NTNG1: variants seen among roughly 807,000 people sequenced by gnomAD.
NTNG1 encodes netrin G1.
Under a neutral mutation model 54.0 loss-of-function variants are expected in NTNG1, and 16 were observed. That is an observed-to-expected ratio of 0.30 (90% CI 0.20 to 0.45). The LOEUF (loss-of-function observed/expected upper bound fraction) is 0.45. Among genes scored for constraint, NTNG1 ranks in the 20% least tolerant of loss-of-function variants. The pLI, the probability that NTNG1 is intolerant of heterozygous loss-of-function variation, is 1.00. For synonymous variants in NTNG1, 255 were observed against 263.1 expected, an observed-to-expected ratio of 0.97 and a Z score of 0.30; for missense variants, 530 against 678.7, an observed-to-expected ratio of 0.78 and a Z score of 2.43.
At chr1:107,256,357 A>C (rs1482077830) in intron 2 of NTNG1, among the ~76,000 whole-genome samples, 2 of 152,222 alleles carry the variant, frequency 1.3e-5, no homozygotes, top group East Asian at 3.9e-4. Context: ...TCATTCATTC[A>C]GTCAGTCCAT....
rs946673203 is a variant in NTNG1 at position 107,219,599 on chromosome 1, A to T, written c.246+70760A>T. On this transcript the variant is annotated intron_variant, in intron 2 of 7. Coordinates refer to ENST00000370068, the MANE Select transcript of NTNG1 (RefSeq NM_001113226.3). ...TGTTGAGATTCTTCTGTCTCATGGG[A>T]TGCTCTGTTAATGTGGTGCTCTCCC... is the stretch of plus-strand genomic sequence containing the variant. Among the ~76,000 whole-genome samples, 13 of 152,106 alleles carry T rather than the reference A, an allele frequency of 8.5e-5. No individual in the cohort carries two copies. The East Asian group carries it at 2.3e-3, about 27-fold the overall frequency.
chr1:107,162,933 G>C (rs538443630), intron 2 of NTNG1, among the ~76,000 whole-genome samples: 1 of 152,226 alleles, frequency 6.6e-6, no homozygotes, highest in East Asian at 1.9e-4. Context: ...AAACCTGAGG[G>C]TGATGTGTAA....
intron 7 of NTNG1, among the ~76,000 whole-genome samples, chr1:107,473,597 GA>G (rs538888592): frequency 5.8e-4 from 88 of 152,278 alleles, no homozygotes; most frequent in Non-Finnish European, 1.1e-3. Flanking sequence ...CCAAAAAAAT[GA>G]AAGAATTAAA....
chr1:107,423,599 T>C lies in NTNG1; in HGVS notation c.1088-7151T>C, dbSNP rs116194151. On this transcript the variant is annotated intron_variant, in intron 5 of 7. Transcript: ENST00000370068. ...GTTGCCATGCCACATTGTGTATACA[T>C]ACAGCTAAAGACCCCCTTTAGCTTT... is the stretch of plus-strand genomic sequence containing the variant. 8.9e-3 allele frequency among the ~76,000 whole-genome samples: 1,350 copies of C among 152,236 alleles called. 21 individuals carry two copies. The highest frequency in any genetic ancestry group is 0.031 in the African/African-American group (1,294 of 41,546).
intron 2 of NTNG1, among the ~76,000 whole-genome samples, chr1:107,239,369 T>C (rs1312517033): frequency 6.6e-6 from 1 of 152,216 alleles, no homozygotes; most frequent in African/African-American, 2.4e-5. Context: ...TGGAAATGAA[T>C]GGGTGGGACA....
intron 2 of NTNG1, among the ~76,000 whole-genome samples, chr1:107,180,255 A>T (rs1656969632): frequency 1.3e-5 from 2 of 152,140 alleles, no homozygotes; most frequent in Admixed American, 6.6e-5. Context: ...CAATCCTTTT[A>T]CTTAGTAAGC....
chr1:107,211,394 T>G (rs1339884247), intron 2 of NTNG1, among the ~76,000 whole-genome samples: 1 of 152,170 alleles, frequency 6.6e-6, no homozygotes, highest in Non-Finnish European at 1.5e-5. Context: ...CATATTTCAG[T>G]CATAATATTT....
rs570652094 is a variant in NTNG1 at position 107,168,728 on chromosome 1, C to G, written c.246+19889C>G. Among the ~76,000 whole-genome samples the G allele has an allele frequency of 4.5e-3, 691 of 152,252 alleles. 2 individuals carry two copies. Among genetic ancestry groups the G allele is most frequent in the Non-Finnish European group, 8.4e-3 (574 of 67,978 alleles). On this transcript the variant is annotated intron_variant, in intron 2 of 7. Coordinates refer to ENST00000370068, the MANE Select transcript of NTNG1 (RefSeq NM_001113226.3). The stretch of plus-strand genomic sequence containing the variant: ...TTGGCTCAATCCTCCAAACTCAGGA[C>G]AGGCCCATTAGTCTCTTAACCATAA...
chr1:107,322,053 A>G lies in NTNG1; in HGVS notation c.247-2229A>G, dbSNP rs141773379. ...TAACTAAATGGTGGTTATTGCCAAG[A>G]CTTTATATTAAGTATAGGCATGAGA... On this transcript the variant is annotated intron_variant, in intron 2 of 7. Transcript: ENST00000370068. Among the ~76,000 whole-genome samples the G allele has an allele frequency of 4.3e-4, 66 of 152,302 alleles. No homozygotes were observed. The East Asian group carries it at 0.012, about 27-fold the overall frequency.
intron 2 of NTNG1, among the ~76,000 whole-genome samples, chr1:107,164,863 C>A (rs184113999): frequency 2.0e-5 from 3 of 152,146 alleles, no homozygotes; most frequent in Non-Finnish European, 4.4e-5. Context: ...GTGCAACTTG[C>A]GACTGAATAA....
At chr1:107,287,531 C>T (rs937938458) in intron 2 of NTNG1, among the ~76,000 whole-genome samples, 1 of 152,132 alleles carries the variant, frequency 6.6e-6, no homozygotes, top group African/African-American at 2.4e-5. Flanking sequence ...AAGGATTTCT[C>T]GAGCCCAGGA....
chr1:107,437,688 A>T (rs1675691543), intron 7 of NTNG1, among the ~76,000 whole-genome samples: 1 of 152,112 alleles, frequency 6.6e-6, no homozygotes. Flanking sequence ...AAATAAGATA[A>T]ATTAATTTTA....
intron 7 of NTNG1, among the ~76,000 whole-genome samples, chr1:107,439,871 T>G (rs572271): frequency 6.6e-6 from 1 of 150,400 alleles, no homozygotes; most frequent in African/African-American, 2.5e-5. Flanking sequence ...AGGTTGATAA[T>G]TTTTTTTTTT....
intron 2 of NTNG1, among the ~76,000 whole-genome samples, chr1:107,198,572 T>G (rs1425708455): frequency 6.6e-6 from 1 of 151,916 alleles, no homozygotes; most frequent in Non-Finnish European, 1.5e-5. Flanking sequence ...TGTCTGCTTC[T>G]TTTGTTCCCC....
At chr1:107,152,466 G>A (rs751331339) in intron 2 of NTNG1, among the ~76,000 whole-genome samples, 9 of 152,150 alleles carry the variant, frequency 5.9e-5, no homozygotes, top group African/African-American at 1.2e-4. Context: ...ATATCTTCCC[G>A]CACACCCCAG....
At chr1:107,224,965 G>A (rs188985359) in intron 2 of NTNG1, among the ~76,000 whole-genome samples, 1 of 152,238 alleles carries the variant, frequency 6.6e-6, no homozygotes, top group East Asian at 1.9e-4. Flanking sequence ...TAAGGTTATA[G>A]TGAGTAGTGA....
intron 4 of NTNG1, among the ~76,000 whole-genome samples, chr1:107,406,311 T>C (rs1352992293): frequency 6.6e-6 from 1 of 152,106 alleles, no homozygotes; most frequent in East Asian, 1.9e-4. Flanking sequence ...AAATAGAACC[T>C]TAATGATTTT....
chr1:107,350,315 A>G (rs1054952622), intron 3 of NTNG1, among the ~76,000 whole-genome samples: 10 of 152,150 alleles, frequency 6.6e-5, no homozygotes, highest in African/African-American at 2.2e-4. Flanking sequence ...CCTTTCTCCA[A>G]TTCATGGCTT....
At chr1:107,206,951 T>C (rs1659241372) in intron 2 of NTNG1, among the ~76,000 whole-genome samples, 1 of 152,186 alleles carries the variant, frequency 6.6e-6, no homozygotes, top group Non-Finnish European at 1.5e-5. Context: ...TATAGTACTT[T>C]AAGTATATGA....
Sources: gnomAD v4.1 joint callset for allele counts (sites outside exome capture counted in the v4.1 genomes callset) on GRCh38, gnomAD v4.1.1 for gene constraint, MANE v1.5 for transcripts, NCBI Gene and HGNC (gene_info 2026-07-23, HGNC 2026-07-21) for gene names.